The following LPCAT1 variants were observed in gnomAD, a reference collection of about 807,000 sequenced individuals.
LPCAT1 encodes the protein lysophosphatidylcholine acyltransferase 1, also known as 1-acylglycerol-3-phosphate O-acyltransferase.
In LPCAT1, 23 loss-of-function variants were observed where a neutral mutation model predicts 60.9. The observed-to-expected ratio is 0.38, with a 90% CI of 0.27 to 0.53. The LOEUF is 0.53. Ranked by LOEUF, LPCAT1 falls within the 20% of genes least tolerant of loss-of-function variation. The probability of loss-of-function intolerance (pLI) is 0.82; values close to 1 mark genes in which losing one functional copy is unlikely to be tolerated. For missense variants in LPCAT1, 622 were observed against 723.6 expected (o/e 0.86, Z 1.61); for synonymous variants, 340 against 301.1 (o/e 1.13, Z -1.34).
At chr5:1,472,806 C>T (rs963953870) in intron 11 of LPCAT1, among the ~76,000 whole-genome samples, 4 of 151,944 alleles carry the variant, frequency 2.6e-5, no homozygotes, top group African/African-American at 4.8e-5. Flanking sequence ...GGGCCCCTTA[C>T]GGACACTAGG....
intron 7 of LPCAT1, 134 bp from the exon 8 acceptor site, chr5:1,479,809 G>T: frequency 5.8e-6 from 4 of 691,094 alleles, no homozygotes; most frequent in Non-Finnish European, 1.0e-5. Context: ...TCCCACGGAG[G>T]GGGTGCCGTG....
chr5:1,473,500 G>C (rs899610811), intron 11 of LPCAT1, among the ~76,000 whole-genome samples: 1 of 152,248 alleles, frequency 6.6e-6, no homozygotes, highest in Non-Finnish European at 1.5e-5. Context: ...ACGTGCGGAG[G>C]GCAGAGGGGA....
chr5:1,507,228 T>A (rs1461518760), intron 1 of LPCAT1, among the ~76,000 whole-genome samples: 2 of 152,176 alleles, frequency 1.3e-5, no homozygotes, highest in Non-Finnish European at 2.9e-5. Context: ...ACCTGCAACC[T>A]GGCCCTCCCA....
chr5:1,500,534 T>C (rs192755908), intron 2 of LPCAT1, among the ~76,000 whole-genome samples: 5 of 151,706 alleles, frequency 3.3e-5, no homozygotes, highest in Admixed American at 3.3e-4. Flanking sequence ...GGAGGGGTGG[T>C]GCCAGCAGGC....
At chr5:1,466,001 G>A (rs563004035) in intron 13 of LPCAT1, among the ~76,000 whole-genome samples, 9 of 152,282 alleles carry the variant, frequency 5.9e-5, no homozygotes, top group African/African-American at 2.2e-4. Context: ...CACAGACGCT[G>A]TGCACGCAGC....
At chr5:1,492,231 G>C (rs901292425) in intron 3 of LPCAT1, among the ~76,000 whole-genome samples, 4 of 152,018 alleles carry the variant, frequency 2.6e-5, no homozygotes, top group African/African-American at 9.7e-5. Context: ...TGGGACAAGG[G>C]GAGATGTCTC....
At chr5:1,470,521 G>A (rs933851260) in intron 12 of LPCAT1, among the ~76,000 whole-genome samples, 1 of 152,216 alleles carries the variant, frequency 6.6e-6, no homozygotes, top group African/African-American at 2.4e-5. Flanking sequence ...TGGCCCCTGT[G>A]TTAGGTGCCC....
chr5:1,464,613 CAA>C, intron 13 of LPCAT1, among the ~76,000 whole-genome samples: 1 of 150,894 alleles, frequency 6.6e-6, no homozygotes, highest in African/African-American at 2.4e-5. Context: ...ACACACAAAA[CAA>C]GCACACACAC....
At chr5:1,503,430 G>C (rs1736086921) in intron 1 of LPCAT1, among the ~76,000 whole-genome samples, 1 of 152,198 alleles carries the variant, frequency 6.6e-6, no homozygotes, top group Admixed American at 6.5e-5. Flanking sequence ...TGCATCTGTG[G>C]GGAGAGCCAC....
Position 1,474,626 on chromosome 5 carries a change from T to C in LPCAT1, c.959A>G (p.Glu320Gly), listed in dbSNP as rs1734824052. ...GTCAGCGGGGAGACGGAGCTGTCCT[T>C]CCGCCAGGGCCAGCTGGCAGTCCTC... The part of the protein sequence containing the change: ...TFEDCQLALA[E>G]GQLRLPADTC... The change falls in exon 10 of 14, where the codon GAA (glutamate) becomes GGA (glycine). Residue 320 changes from glutamate (E) to glycine (G), a missense_variant. Around this residue, in one of 3 missense-constraint regions of LPCAT1, gnomAD observed 209 missense variants for 325.5 expected, o/e 0.64. Transcript: ENST00000283415. The C allele has an allele frequency of 6.2e-7, 1 of 1,613,806 alleles. No individual in the cohort carries two copies. Among genetic ancestry groups the C allele is most frequent in the South Asian group, 1.1e-5 (1 of 91,050 alleles).
intron 3 of LPCAT1, among the ~76,000 whole-genome samples, chr5:1,492,831 C>T (rs1003468815): frequency 2.0e-5 from 3 of 152,238 alleles, no homozygotes; most frequent in African/African-American, 7.2e-5. Flanking sequence ...CCGGCCAACG[C>T]TCAGATTCAC....
rs565557801 is a variant in LPCAT1 at position 1,518,493 on chromosome 5, A to G, written c.135+5217T>C. Among the ~76,000 whole-genome samples the G allele has an allele frequency of 1.0e-3, 154 of 152,348 alleles. 1 individual carries two copies. The highest frequency in any genetic ancestry group is 3.6e-3 in the African/African-American group (149 of 41,582). ...GTGGCTGGGACTGCAGGCACCTGCC[A>G]TGACACCCGTCTAATTTTTTGTATT... On this transcript the variant is annotated intron_variant, in intron 1 of 13. Transcript: ENST00000283415.
intron 4 of LPCAT1, 31 bp from the exon 5 acceptor site, chr5:1,488,482 T>A: frequency 7.0e-7 from 1 of 1,424,750 alleles, no homozygotes; most frequent in Non-Finnish European, 9.7e-7. Context: ...AGGATCAGCA[T>A]TAAACTGTAC....
Position 1,495,860 on chromosome 5 carries a change from T to A in LPCAT1, c.279-946A>T, listed in dbSNP as rs1381298623. On this transcript the variant is annotated intron_variant, in intron 2 of 13. Transcript: ENST00000283415. This position sits in a 1 kb window ranked among gnomAD's most constrained non-coding sequence, Gnocchi z 4.7. ...AAGACTTCCAGGACAGGGGTCCCCA[T>A]GGATCTGAGCCAAGGCGGTTGCTAG... is the stretch of plus-strand genomic sequence containing the variant. Among the ~76,000 whole-genome samples, 1 of 152,206 alleles carries A rather than the reference T, an allele frequency of 6.6e-6. No individual in the cohort carries two copies. The highest frequency in any genetic ancestry group is 1.5e-5 in the Non-Finnish European group (1 of 68,026).
At chr5:1,515,162 C>A (rs1736468334) in intron 1 of LPCAT1, among the ~76,000 whole-genome samples, 1 of 148,090 alleles carries the variant, frequency 6.8e-6, no homozygotes. Flanking sequence ...ATACAGGGAG[C>A]CCCCCAGCAC....
intron 1 of LPCAT1, among the ~76,000 whole-genome samples, chr5:1,512,195 G>A (rs561702828): frequency 2.6e-5 from 4 of 152,310 alleles, no homozygotes; most frequent in Middle Eastern, 3.4e-3. Context: ...TGTGGCGTGC[G>A]GCCCCGTGAG....
chr5:1,470,938 C>T lies in LPCAT1; in HGVS notation c.1180-14G>A, dbSNP rs754983630. 3.5e-5 allele frequency: 56 copies of T among 1,608,502 alleles called. No individual in the cohort carries two copies. The South Asian group carries it at 4.0e-4, about 11-fold the overall frequency. Reference sequence around the variant, plus strand: ...GCCGCTGCCGCTCTGTGGGGAGAGACGCTCTCAGCCACAGCTCGGCCGCCT... The same window carrying T: ...GCCGCTGCCGCTCTGTGGGGAGAGATGCTCTCAGCCACAGCTCGGCCGCCT... On this transcript the variant is annotated splice_polypyrimidine_tract_variant and intron_variant, in intron 11 of 13. Coordinates refer to ENST00000283415, the MANE Select transcript of LPCAT1 (RefSeq NM_024830.5).
In LPCAT1 at chr5:1,467,595, C is replaced by T. The variant is rs763103733; in HGVS notation, c.1279-705G>A. Among the ~76,000 whole-genome samples the T allele has an allele frequency of 3.3e-5, 5 of 152,280 alleles. No individual in the cohort carries two copies. In the Middle Eastern group the frequency reaches 0.014, roughly 414 times the overall value. Reference sequence around the variant, plus strand: ...GCTCCCCTCCCTGGCTCCACAGACTCTGTGCCCTGGAGATCCCCCAGACCC... The same window carrying T: ...GCTCCCCTCCCTGGCTCCACAGACTTTGTGCCCTGGAGATCCCCCAGACCC... On this transcript the variant is annotated intron_variant, in intron 12 of 13. Transcript: ENST00000283415.
At chr5:1,516,563 C>A (rs989428382) in intron 1 of LPCAT1, among the ~76,000 whole-genome samples, 2 of 152,192 alleles carry the variant, frequency 1.3e-5, no homozygotes, top group Non-Finnish European at 2.9e-5. Context: ...GTACCTTGGC[C>A]CAGCTTTGGT....
Sources: gnomAD v4.1 joint callset for allele counts (sites outside exome capture counted in the v4.1 genomes callset) on GRCh38, gnomAD v4.1.1 for gene constraint, gnomAD v4.1.1 regional missense constraint, Gnocchi (gnomAD v3.1) non-coding constraint, MANE v1.5 for transcripts, NCBI Gene and HGNC (gene_info 2026-07-23, HGNC 2026-07-21) for gene names.